The following NFATC2 variants were observed in gnomAD, a reference collection of about 807,000 sequenced individuals.
NFATC2 encodes the protein nuclear factor of activated T cells 2, also known as nuclear factor of activated T-cells, cytoplasmic 2.
NFATC2 carries 22 observed loss-of-function variants against 87.3 expected under a neutral mutation model. The ratio of observed to expected loss-of-function variants is 0.25; its 90% CI spans 0.18 to 0.36. The LOEUF (loss-of-function observed/expected upper bound fraction) is 0.36. Among genes scored for constraint, NFATC2 ranks in the 10% least tolerant of loss-of-function variants. NFATC2 has a pLI of 1.00. For synonymous variants in NFATC2, 565 were observed against 542.2 expected (o/e 1.04, Z -0.58); for missense variants, 1,149 against 1,259.1 (o/e 0.91, Z 1.32).
In NFATC2 at chr20:51,391,263, G is replaced by A. The variant is rs139947767; in HGVS notation, c.*233C>T. 1,581 of 916,378 alleles carry A rather than the reference G, an allele frequency of 1.7e-3. 25 individuals are homozygous for A. In the African/African-American group the frequency reaches 0.021, roughly 12 times the overall value. The allele number at this position is 916,378 out of a possible 1,614,324, so 56.8% of individuals were successfully genotyped here. A position where few individuals can be genotyped will look rare whatever the true frequency, so the allele number is the denominator to read the frequency against. On this transcript the variant is annotated 3_prime_UTR_variant, in exon 11 of 11. Transcript: ENST00000371564. ...TGGCGAGCTCCTTAAGTGAGAGTCC[G>A]CTTAGTGCCCATACATTGATCCGCG...
intron 1 of NFATC2, 130 bp downstream of exon 1, chr20:51,542,240 G>C: frequency 8.3e-7 from 1 of 1,203,404 alleles, no homozygotes; most frequent in East Asian, 3.1e-5. Context: ...CTGGCACCTG[G>C]GTAGGGGCAC....
intron 5 of NFATC2, among the ~76,000 whole-genome samples, chr20:51,458,159 G>A (rs1302584425): frequency 2.6e-5 from 4 of 152,182 alleles, no homozygotes; most frequent in Admixed American, 6.5e-5. Context: ...TTATAGGCAC[G>A]AGCCACTGTG....
intron 1 of NFATC2, among the ~76,000 whole-genome samples, chr20:51,533,102 A>T (rs2076662445): frequency 6.6e-6 from 1 of 152,176 alleles, no homozygotes; most frequent in Non-Finnish European, 1.5e-5. Context: ...GGCACCGCAG[A>T]TCTGTAGCCG....
At chr20:51,416,590 T>C (rs558715993) in intron 9 of NFATC2, among the ~76,000 whole-genome samples, 2 of 152,188 alleles carry the variant, frequency 1.3e-5, no homozygotes, top group Non-Finnish European at 2.9e-5. Flanking sequence ...ACATCCCAAG[T>C]GCAGAGATGA....
At chr20:51,483,870 G>C (rs62229788) in intron 3 of NFATC2, among the ~76,000 whole-genome samples, 8,326 of 151,884 alleles carry the variant, frequency 0.055, 288 homozygotes, top group African/African-American at 0.097. Context: ...GTCAAAGAGG[G>C]GGCCCAGTCT....
chr20:51,504,290 G>A (rs920584228), intron 3 of NFATC2, among the ~76,000 whole-genome samples: 7 of 152,168 alleles, frequency 4.6e-5, no homozygotes, highest in African/African-American at 1.7e-4. Flanking sequence ...CCAAAGTGCT[G>A]GGATTACAGG....
At chr20:51,448,736 T>C (rs560758754) in intron 6 of NFATC2, among the ~76,000 whole-genome samples, 1 of 152,192 alleles carries the variant, frequency 6.6e-6, no homozygotes, top group African/African-American at 2.4e-5. Flanking sequence ...GAAATGGGCT[T>C]GGGGTGTTTG....
At chr20:51,482,825 G>A (rs1426719769) in intron 3 of NFATC2, among the ~76,000 whole-genome samples, 1 of 152,174 alleles carries the variant, frequency 6.6e-6, no homozygotes, top group African/African-American at 2.4e-5. Flanking sequence ...TCAACATATT[G>A]GCATTCGAGT....
intron 1 of NFATC2, among the ~76,000 whole-genome samples, chr20:51,540,663 T>TTTTTTTTTTTTTTTTTTTG (rs1555818354): frequency 7.4e-6 from 1 of 135,690 alleles, no homozygotes; most frequent in Non-Finnish European, 1.6e-5. Context: ...TTTTTGTTTT[T>TTTTTTTTTTTTTTTTTTTG]TTTTTTTTGA....
intron 10 of NFATC2, among the ~76,000 whole-genome samples, chr20:51,397,263 AC>A (rs1434309460): frequency 6.6e-6 from 1 of 152,156 alleles, no homozygotes; most frequent in African/African-American, 2.4e-5. Flanking sequence ...CTTTACACTT[AC>A]TAAGTAACTT....
At chr20:51,462,280 CAAA>C (rs56939528) in intron 5 of NFATC2, among the ~76,000 whole-genome samples, 287 of 128,668 alleles carry the variant, frequency 2.2e-3, no homozygotes, top group South Asian at 4.8e-3. Context: ...GCTAATAATA[CAAA>C]AAAAAAAAAA....
At chr20:51,532,069 T>C (rs1353905244) in intron 1 of NFATC2, among the ~76,000 whole-genome samples, 2 of 152,172 alleles carry the variant, frequency 1.3e-5, no homozygotes, top group African/African-American at 4.8e-5. Flanking sequence ...TACTAAAGTG[T>C]TAGTGGGTCA....
At chr20:51,496,177 A>G (rs917903130) in intron 3 of NFATC2, among the ~76,000 whole-genome samples, 3 of 152,172 alleles carry the variant, frequency 2.0e-5, no homozygotes, top group African/African-American at 7.2e-5. Context: ...ATCGAAGCGC[A>G]GCTGTTCACA....
intron 2 of NFATC2, among the ~76,000 whole-genome samples, chr20:51,518,735 T>A (rs1034314355): frequency 1.3e-5 from 2 of 152,240 alleles, no homozygotes; most frequent in Non-Finnish European, 2.9e-5. Flanking sequence ...TAACTACTCA[T>A]TCATTTATTG....
chr20:51,398,568 C>T, intron 10 of NFATC2, 75 bp downstream of exon 10: 1 of 899,946 alleles, frequency 1.1e-6, no homozygotes, highest in Admixed American at 4.3e-5. Context: ...TTATACTTTA[C>T]TTAAAAAAAA....
At chr20:51,394,356 A>AT (rs1986742903) in intron 10 of NFATC2, among the ~76,000 whole-genome samples, 1 of 151,994 alleles carries the variant, frequency 6.6e-6, no homozygotes, top group African/African-American at 2.4e-5. Flanking sequence ...CCCTTTCACC[A>AT]TGCCATTTCT....
At position 51,387,519 on chromosome 20, in the gene NFATC2, G is replaced by C. The variant is rs963405895; in HGVS notation, c.*3977C>G. 6.6e-6 allele frequency: 1 copy of C among 152,200 alleles called. No homozygotes were observed. The highest frequency in any genetic ancestry group is 1.5e-5 in the Non-Finnish European group (1 of 68,040). 9.4% of individuals were successfully genotyped at this position (152,200 alleles called of 1,614,324 possible). A position where few individuals can be genotyped will look rare whatever the true frequency, so the allele number is the denominator to read the frequency against. The stretch of plus-strand genomic sequence containing the variant: ...ACAGACTGAGTTAAACAGTGATGTT[G>C]GCTGTAAGTCAAGGCACTCACAAAA... On this transcript the variant is annotated 3_prime_UTR_variant, in exon 11 of 11. Transcript: ENST00000371564.
intron 9 of NFATC2, among the ~76,000 whole-genome samples, chr20:51,400,844 C>T (rs1987957497): frequency 6.6e-6 from 1 of 151,920 alleles, no homozygotes; most frequent in Non-Finnish European, 1.5e-5. Context: ...CAGGAACAGC[C>T]TCCTAGCATT....
chr20:51,536,532 G>A (rs1332075646), intron 1 of NFATC2, among the ~76,000 whole-genome samples: 6 of 152,144 alleles, frequency 3.9e-5, no homozygotes, highest in Non-Finnish European at 1.5e-5. Flanking sequence ...CCTGCCACCT[G>A]ATATGGCTGG....
Sources: gnomAD v4.1 joint callset for allele counts (sites outside exome capture counted in the v4.1 genomes callset) on GRCh38, gnomAD v4.1.1 for gene constraint, MANE v1.5 for transcripts, NCBI Gene and HGNC (gene_info 2026-07-23, HGNC 2026-07-21) for gene names.